MAGI1: variants seen among roughly 807,000 people sequenced by gnomAD.
MAGI1 encodes membrane associated guanylate kinase, WW and PDZ domain containing 1.
A neutral mutation model predicts 139.9 loss-of-function variants in MAGI1; 58 were observed. That is an observed-to-expected ratio of 0.41 (90% CI 0.34 to 0.52). The LOEUF (loss-of-function observed/expected upper bound fraction) is 0.52. MAGI1 is among the 20% of genes least tolerant of loss of function. The probability of loss-of-function intolerance (pLI) is 0.12; values close to 1 mark genes in which losing one functional copy is unlikely to be tolerated. For missense variants in MAGI1, 1,874 were observed against 1,901.6 expected (o/e 0.99, Z 0.27); for synonymous variants, 812 against 737.9 (o/e 1.10, Z -1.63).
intron 1 of MAGI1, among the ~76,000 whole-genome samples, chr3:65,651,284 A>G (rs969340365): frequency 5.9e-5 from 9 of 152,190 alleles, no homozygotes; most frequent in Non-Finnish European, 1.2e-4. Context: ...TCAACCTCAT[A>G]TAAGAAGAAC....
At chr3:65,572,939 A>T (rs111256120) in intron 2 of MAGI1, among the ~76,000 whole-genome samples, 24 of 151,816 alleles carry the variant, frequency 1.6e-4, no homozygotes, top group Non-Finnish European at 3.4e-4. Context: ...TCTCTCCAAC[A>T]TTTACATTTC....
chr3:65,706,646 CAG>C (rs1357740455), intron 1 of MAGI1, among the ~76,000 whole-genome samples: 2 of 151,998 alleles, frequency 1.3e-5, no homozygotes, highest in African/African-American at 4.8e-5. Context: ...AGGATCCAGA[CAG>C]GGGATGAGAA....
intron 1 of MAGI1, among the ~76,000 whole-genome samples, chr3:66,002,203 A>G (rs2066780358): frequency 1.3e-5 from 2 of 152,216 alleles, no homozygotes; most frequent in Non-Finnish European, 2.9e-5. Flanking sequence ...TCGCATTTTC[A>G]GAAACACTGG....
At chr3:65,793,727 G>A (rs2039938744) in intron 1 of MAGI1, among the ~76,000 whole-genome samples, 1 of 152,156 alleles carries the variant, frequency 6.6e-6, no homozygotes, top group Admixed American at 6.6e-5. Flanking sequence ...GCATTTCCAG[G>A]ACAGTCTGTC....
Position 65,379,330 on chromosome 3 carries a change from C to G in MAGI1, c.2926G>C (p.Gly976Arg), listed in dbSNP as rs1238360124. ...VQPYDVEIRR[G>R]ENEGFGFVIV... ...ACGAAGCCGAAGCCCTCGTTCTCCC[C>G]GCGCCGGATCTCCACGTCGTAGGGC... Residue 976 changes from glycine (G) to arginine (R), a missense_variant, in exon 17 of 23, where the codon GGG becomes CGG. Gly to Arg is a moderately radical substitution (Grantham distance 125). Around this residue, in one of 5 missense-constraint regions of MAGI1, gnomAD observed 482 missense variants for 509.6 expected, o/e 0.95. Transcript: ENST00000402939. 4 of 1,613,376 alleles carry G rather than the reference C, an allele frequency of 2.5e-6. No homozygotes were observed. The South Asian group carries it at 3.3e-5, about 13-fold the overall frequency.
At chr3:65,853,572 C>A (rs1400787051) in intron 1 of MAGI1, among the ~76,000 whole-genome samples, 16 of 152,272 alleles carry the variant, frequency 1.1e-4, no homozygotes, top group Middle Eastern at 6.8e-3. Flanking sequence ...TCTGCCCACA[C>A]TAACCTCCCC....
chr3:65,719,913 AG>A (rs1295500957), intron 1 of MAGI1: 2 of 152,304 alleles, frequency 1.3e-5, no homozygotes, highest in East Asian at 3.9e-4. Context: ...GTTACAATTC[AG>A]ATGCACAAAA....
intron 2 of MAGI1, among the ~76,000 whole-genome samples, chr3:65,509,316 T>A (rs1438282962): frequency 6.6e-6 from 1 of 152,290 alleles, no homozygotes; most frequent in South Asian, 2.1e-4. Context: ...GATGGCCGAA[T>A]AGGAACAGCT....
At chr3:65,408,560 T>C (rs1318170607) in intron 12 of MAGI1, among the ~76,000 whole-genome samples, 1 of 152,166 alleles carries the variant, frequency 6.6e-6, no homozygotes. Flanking sequence ...TCAGAATTGA[T>C]GATTATTTGA....
At chr3:65,943,956 C>T (rs2063438819) in intron 1 of MAGI1, among the ~76,000 whole-genome samples, 1 of 152,166 alleles carries the variant, frequency 6.6e-6, no homozygotes, top group African/African-American at 2.4e-5. Context: ...TTTTCCTCCA[C>T]TGTGACAGGG....
chr3:65,883,029 T>C (rs1478746839), intron 1 of MAGI1, among the ~76,000 whole-genome samples: 9 of 152,068 alleles, frequency 5.9e-5, no homozygotes, highest in Admixed American at 5.9e-4. Context: ...TCAGGTATCT[T>C]AGCTGCCCCT....
Position 65,372,390 on chromosome 3 carries a change from G to A in MAGI1, c.3196+3355C>T, listed in dbSNP as rs180762742. On this transcript the variant is annotated intron_variant, in intron 18 of 22. Transcript: ENST00000402939. ...GGCTTAAAATACTCAATAAACCACA[G>A]CACAACATATGTGCTGTCATCCAGG... 8.5e-5 allele frequency among the ~76,000 whole-genome samples: 13 copies of A among 152,270 alleles called. No homozygotes were observed. In the East Asian group the frequency reaches 1.7e-3, roughly 20 times the overall value.
chr3:65,552,717 G>C (rs957938791), intron 2 of MAGI1, among the ~76,000 whole-genome samples: 4 of 152,136 alleles, frequency 2.6e-5, no homozygotes, highest in African/African-American at 9.7e-5. Flanking sequence ...TACTTACTTC[G>C]GGAAGGGCCT....
At chr3:65,879,905 T>C (rs2060257428) in intron 1 of MAGI1, among the ~76,000 whole-genome samples, 1 of 152,184 alleles carries the variant, frequency 6.6e-6, no homozygotes, top group African/African-American at 2.4e-5. Context: ...GTCTCTCCTC[T>C]CCCCTTGTAG....
intron 1 of MAGI1, among the ~76,000 whole-genome samples, chr3:65,718,091 T>C (rs1282450429): frequency 1.3e-5 from 2 of 152,208 alleles, no homozygotes; most frequent in Admixed American, 6.5e-5. Flanking sequence ...CTTGAATTGA[T>C]TGGTCTGTGA....
At chr3:65,771,937 T>C (rs1237722389) in intron 1 of MAGI1, among the ~76,000 whole-genome samples, 2 of 152,188 alleles carry the variant, frequency 1.3e-5, no homozygotes, top group Non-Finnish European at 1.5e-5. Flanking sequence ...GCGCGGTGGC[T>C]CACGCCTATA....
At chr3:65,687,918 C>T (rs761717565) in intron 1 of MAGI1, 9 of 674,590 alleles carry the variant, frequency 1.3e-5, no homozygotes, top group East Asian at 3.5e-5. Flanking sequence ...AGCAGCCATT[C>T]GGCATGCCCG....
At chr3:65,838,549 T>C in intron 1 of MAGI1, among the ~76,000 whole-genome samples, 1 of 152,238 alleles carries the variant, frequency 6.6e-6, no homozygotes, top group Non-Finnish European at 1.5e-5. Context: ...CCATCCAAGT[T>C]ATTGTGTATA....
intron 1 of MAGI1, among the ~76,000 whole-genome samples, chr3:65,625,099 C>T (rs2083899327): frequency 6.6e-6 from 1 of 152,168 alleles, no homozygotes; most frequent in African/African-American, 2.4e-5. Flanking sequence ...TCTCGAACTC[C>T]TGCCCTCAAG....
Sources: gnomAD v4.1 joint callset for allele counts (sites outside exome capture counted in the v4.1 genomes callset) on GRCh38, gnomAD v4.1.1 for gene constraint, gnomAD v4.1.1 regional missense constraint, MANE v1.5 for transcripts, NCBI Gene and HGNC (gene_info 2026-07-23, HGNC 2026-07-21) for gene names.